Variants in SLC7A1 observed in about 807,000 individuals in gnomAD.
SLC7A1 encodes solute carrier family 7 member 1.
A neutral mutation model predicts 53.9 loss-of-function variants in SLC7A1; 10 were observed. The observed-to-expected ratio is 0.19, with a 90% CI of 0.11 to 0.31. The LOEUF is 0.31. SLC7A1 is among the 10% of genes least tolerant of loss of function. SLC7A1 has a pLI of 1.00. For missense variants in SLC7A1, 525 were observed against 827.2 expected, an observed-to-expected ratio of 0.63 and a Z score of 4.48; for synonymous variants, 342 against 338.7, an observed-to-expected ratio of 1.01 and a Z score of -0.11.
At chr13:29,553,343 G>A (rs1870285981) in intron 2 of SLC7A1, among the ~76,000 whole-genome samples, 1 of 152,202 alleles carries the variant, frequency 6.6e-6, no homozygotes, top group East Asian at 1.9e-4. Context: ...GTGCCCAGGA[G>A]CTGGGTGGCA....
chr13:29,578,681 C>T (rs750380236), intron 1 of SLC7A1, among the ~76,000 whole-genome samples: 6 of 152,362 alleles, frequency 3.9e-5, no homozygotes, highest in Non-Finnish European at 7.3e-5. Context: ...CCGGGCACCC[C>T]GGGTAGCTCT....
At chr13:29,550,600 G>A (rs1188343968) in intron 2 of SLC7A1, among the ~76,000 whole-genome samples, 1 of 152,206 alleles carries the variant, frequency 6.6e-6, no homozygotes, top group Non-Finnish European at 1.5e-5. Context: ...CGGCCAAAAA[G>A]AGGCCAGGAC....
chr13:29,517,503 A>T, intron 10 of SLC7A1, 70 bp downstream of exon 10: 1 of 1,364,348 alleles, frequency 7.3e-7, no homozygotes, highest in South Asian at 1.2e-5. Context: ...CCTTCCCCCA[A>T]CTCCAGCTCC....
Position 29,595,222 on chromosome 13 carries a change from C to A in SLC7A1, c.-115+194G>T, listed in dbSNP as rs2139201515. On this transcript the variant is annotated intron_variant, in intron 1 of 12. Coordinates refer to ENST00000380752, the MANE Select transcript of SLC7A1 (RefSeq NM_003045.5). ...GTGGAGGCGACAGTCGCATGGGCAC[C>A]AGCCCCGCTCGCCCACTCCGGGGCC... Among the ~76,000 whole-genome samples the A allele has an allele frequency of 2.6e-5, 4 of 152,148 alleles. No homozygotes were observed. In the Middle Eastern group the frequency reaches 0.01, roughly 391 times the overall value.
At chr13:29,551,927 A>C (rs986236200) in intron 2 of SLC7A1, among the ~76,000 whole-genome samples, 15 of 152,114 alleles carry the variant, frequency 9.9e-5, no homozygotes, top group Non-Finnish European at 2.1e-4. Context: ...GCAGCCTCAT[A>C]AACAAGGTGC....
At position 29,522,578 on chromosome 13, in the gene SLC7A1, C is replaced by T. The variant is rs948272210; in HGVS notation, c.1050-122G>A. On this transcript the variant is annotated intron_variant, in intron 7 of 12. Coordinates refer to ENST00000380752, the MANE Select transcript of SLC7A1 (RefSeq NM_003045.5). ...GTCTGAGCTCACCAAGAGCTGCCGTCCCTCCACGCTGGGTGAGGCCTGTGG... is the reference window on the plus strand; with the variant it reads ...GTCTGAGCTCACCAAGAGCTGCCGTTCCTCCACGCTGGGTGAGGCCTGTGG... 20 of 1,013,752 alleles carry T rather than the reference C, an allele frequency of 2.0e-5. 1 individual carries two copies. The Admixed American group carries it at 3.8e-4, about 19-fold the overall frequency. 62.8% of individuals were successfully genotyped at this position (1,013,752 alleles called of 1,614,324 possible). A position where few individuals can be genotyped will look rare whatever the true frequency, so the allele number is the denominator to read the frequency against.
At chr13:29,581,724 A>G (rs1158378475) in intron 1 of SLC7A1, among the ~76,000 whole-genome samples, 2 of 152,140 alleles carry the variant, frequency 1.3e-5, no homozygotes, top group East Asian at 3.9e-4. Context: ...AGACAGGTTC[A>G]TCTCCCACCT....
chr13:29,533,055 G>A (rs1869245773), intron 3 of SLC7A1, 73 bp from the exon 4 acceptor site: 2 of 1,435,552 alleles, frequency 1.4e-6, no homozygotes, highest in African/African-American at 2.8e-5. Flanking sequence ...GGAGCTCCAT[G>A]TTGATAACAT....
intron 1 of SLC7A1, among the ~76,000 whole-genome samples, chr13:29,595,076 G>A (rs1006719366): frequency 6.6e-6 from 1 of 152,104 alleles, no homozygotes; most frequent in East Asian, 1.9e-4. Flanking sequence ...CACCCCGTGC[G>A]TAGCGGCGCG....
intron 2 of SLC7A1, among the ~76,000 whole-genome samples, chr13:29,539,737 T>C (rs1869584010): frequency 6.6e-6 from 1 of 152,152 alleles, no homozygotes; most frequent in Non-Finnish European, 1.5e-5. Flanking sequence ...CTGGGACCCC[T>C]ACAGGAGATT....
Position 29,513,249 on chromosome 13 carries a change from C to CAGAT in SLC7A1, c.*1227_*1230dup, listed in dbSNP as rs1375851031. On this transcript the variant is annotated 3_prime_UTR_variant, in exon 13 of 13. Transcript: ENST00000380752. The stretch of plus-strand genomic sequence containing the variant: ...CGTGGGGTCCGAAGCATCCGGATGA[C>CAGAT]AGATACACAAAAGGGACAGCAATAT... 6.6e-6 allele frequency: 1 copy of CAGAT among 152,650 alleles called. No individual in the cohort carries two copies. Among genetic ancestry groups the CAGAT allele is most frequent in the Non-Finnish European group, 1.5e-5 (1 of 68,048 alleles). 9.5% of individuals were successfully genotyped at this position (152,650 alleles called of 1,614,324 possible).
At position 29,522,738 on chromosome 13, in the gene SLC7A1, C is replaced by T. The variant is rs1254302795; in HGVS notation, c.1050-282G>A. ...CAGTACAGTCTTTACAGATGGAAAACTGTATTTATTCCTGCAATTATTTCT... is the reference window on the plus strand; with the variant it reads ...CAGTACAGTCTTTACAGATGGAAAATTGTATTTATTCCTGCAATTATTTCT... On this transcript the variant is annotated intron_variant, in intron 7 of 12. Coordinates refer to ENST00000380752, the MANE Select transcript of SLC7A1 (RefSeq NM_003045.5). 2.6e-5 allele frequency among the ~76,000 whole-genome samples: 4 copies of T among 152,228 alleles called. No individual in the cohort carries two copies. In the South Asian group the frequency reaches 6.2e-4, roughly 24 times the overall value.
At chr13:29,547,539 G>A (rs989860003) in intron 2 of SLC7A1, among the ~76,000 whole-genome samples, 1 of 152,222 alleles carries the variant, frequency 6.6e-6, no homozygotes, top group African/African-American at 2.4e-5. Context: ...ATAAAAATAA[G>A]TGTATACAAA....
chr13:29,542,327 C>T (rs868477419), intron 2 of SLC7A1, among the ~76,000 whole-genome samples: 2 of 151,966 alleles, frequency 1.3e-5, no homozygotes, highest in Admixed American at 1.3e-4. Context: ...TGGTGGCAGG[C>T]GCCTGTAATC....
At chr13:29,587,684 T>G (rs1871939852) in intron 1 of SLC7A1, among the ~76,000 whole-genome samples, 1 of 152,172 alleles carries the variant, frequency 6.6e-6, no homozygotes, top group East Asian at 1.9e-4. Flanking sequence ...TCTGGATATT[T>G]ATTAACGATC....
chr13:29,546,849 C>T (rs560644362), intron 2 of SLC7A1, among the ~76,000 whole-genome samples: 45 of 152,346 alleles, frequency 3.0e-4, no homozygotes, highest in Non-Finnish European at 6.0e-4. Context: ...CTGCTAGAAA[C>T]AGCCAACATC....
rs528127689 is a variant in SLC7A1 at position 29,583,365 on chromosome 13, GCTCCCAAGTAC to G, written c.-115+12040_-115+12050del. 7.9e-5 allele frequency among the ~76,000 whole-genome samples: 12 copies of G among 152,304 alleles called. No homozygotes were observed. The South Asian group carries it at 2.5e-3, about 32-fold the overall frequency. ...AAACCCATGCTTTCCCTCTGTCCCT[GCTCCCAAGTAC>G]CTCCCCAGGGTGGAATCGTGCTTTC... On this transcript the variant is annotated intron_variant, in intron 1 of 12. Coordinates refer to ENST00000380752, the MANE Select transcript of SLC7A1 (RefSeq NM_003045.5).
At chr13:29,569,478 G>C (rs1794118432) in intron 1 of SLC7A1, among the ~76,000 whole-genome samples, 1 of 152,224 alleles carries the variant, frequency 6.6e-6, no homozygotes, top group African/African-American at 2.4e-5. Flanking sequence ...CTTAGGGGCA[G>C]TGAGCTCTGG....
intron 5 of SLC7A1, among the ~76,000 whole-genome samples, chr13:29,529,187 C>T (rs1000381047): frequency 2.6e-5 from 4 of 152,170 alleles, no homozygotes; most frequent in African/African-American, 9.7e-5. Flanking sequence ...TTTAGGAAAG[C>T]AGTTTTATTA....
Sources: allele counts gnomAD v4.1 joint callset (sites outside exome capture counted in the v4.1 genomes callset), GRCh38; gene constraint gnomAD v4.1.1; transcripts MANE v1.5; gene names NCBI Gene and HGNC (gene_info 2026-07-23, HGNC 2026-07-21).